The following SMTN variants were observed in gnomAD, a reference collection of about 807,000 sequenced individuals.
SMTN encodes smoothelin.
In SMTN, 58 loss-of-function variants were observed where a neutral mutation model predicts 102.0. The ratio of observed to expected loss-of-function variants is 0.57; its 90% confidence interval spans 0.46 to 0.71. SMTN has a LOEUF of 0.71. Among genes scored for constraint, SMTN ranks in the 30% least tolerant of loss-of-function variants. SMTN has a pLI of 0.00. For synonymous variants in SMTN, 478 were observed against 497.9 expected, an observed-to-expected ratio of 0.96 and a Z score of 0.53; for missense variants, 1,185 against 1,241.7, an observed-to-expected ratio of 0.95 and a Z score of 0.69.
intron 20 of SMTN, 38 bp from the exon 21 acceptor site, chr22:31,104,278 C>G (rs1462467975): frequency 6.2e-7 from 1 of 1,604,286 alleles, no homozygotes; most frequent in South Asian, 1.1e-5. Context: ...AGAGGCGGGT[C>G]TGGCGCTGAC....
At chr22:31,073,931 G>GTCCC (rs1462388914) in intron 1 of SMTN, among the ~76,000 whole-genome samples, 2 of 152,194 alleles carry the variant, frequency 1.3e-5, no homozygotes, top group Non-Finnish European at 2.9e-5. Flanking sequence ...AGGATAACTA[G>GTCCC]TCCCTGTTCC....
rs755480051 is a variant in SMTN at position 31,088,086 on chromosome 22, G to A, written c.173G>A (p.Arg58Gln). ...ALASKRFRAE[R>Q]QDNKENWLHS... is the part of the protein sequence containing the mutation. ...GCATCCAAGCGTTTCCGTGCCGAGCGGCAGGACAACAAGGAGAACTGGCTG... is the reference window on the plus strand; with the variant it reads ...GCATCCAAGCGTTTCCGTGCCGAGCAGCAGGACAACAAGGAGAACTGGCTG... Residue 58 changes from arginine to glutamine, a missense_variant, in exon 3 of 21, where the codon CGG becomes CAG. Arg to Gln is a conservative substitution (Grantham distance 43). Transcript: ENST00000333137. 7.7e-5 allele frequency: 124 copies of A among 1,607,258 alleles called. No homozygotes were observed. The highest frequency in any genetic ancestry group is 3.4e-4 in the East Asian group (15 of 44,722).
At chr22:31,093,080 C>A (rs1341054323) in intron 11 of SMTN, among the ~76,000 whole-genome samples, 3 of 152,230 alleles carry the variant, frequency 2.0e-5, no homozygotes, top group Non-Finnish European at 4.4e-5. Context: ...AGGTCCATTC[C>A]CTGTTCCCTG....
intron 20 of SMTN, chr22:31,101,551 C>T (rs1250778327): frequency 6.4e-6 from 1 of 156,386 alleles, no homozygotes; most frequent in African/African-American, 2.4e-5. Context: ...CTTTGGGAGG[C>T]CAAGGTGGGC....
rs1244310322 is a variant in SMTN, at chr22:31,082,988, C to G, written c.-80-191C>G. ...CTGGCAGGGCTGGAACCAGAGACCC[C>G]CTACCCTGGGTTTGGTGAGTTTTCC... On this transcript the variant is annotated intron_variant, in intron 1 of 20. Coordinates refer to ENST00000333137, the MANE Select transcript of SMTN (RefSeq NM_134269.3). 8 of 1,437,002 alleles carry G rather than the reference C, an allele frequency of 5.6e-6. 1 individual carries two copies. The African/African-American group carries it at 5.6e-5, about 10-fold the overall frequency. 89.0% of individuals were successfully genotyped at this position (1,437,002 alleles called of 1,614,324 possible). A position where few individuals can be genotyped will look rare whatever the true frequency, so the allele number is the denominator to read the frequency against.
At chr22:31,098,630 G>T in intron 16 of SMTN, 37 bp from the exon 17 acceptor site, 1 of 1,604,436 alleles carries the variant, frequency 6.2e-7, no homozygotes, top group Non-Finnish European at 8.5e-7. Flanking sequence ...GAGCAGCCCT[G>T]CTCTCCCTGC....
intron 3 of SMTN, 42 bp from the exon 4 acceptor site, chr22:31,088,471 C>A (rs759971471): frequency 9.0e-6 from 14 of 1,557,864 alleles, no homozygotes; most frequent in South Asian, 1.1e-5. Flanking sequence ...CCTCCACGAC[C>A]TGGCCATGGC....
At chr22:31,077,324 G>A (rs3986052), upstream of SMTN, among the ~76,000 whole-genome samples, 1 of 151,902 alleles carries the variant, frequency 6.6e-6, no homozygotes, top group East Asian at 1.9e-4. Context: ...AGGCTGCAGT[G>A]AGCCATGGTT....
intron 2 of SMTN, among the ~76,000 whole-genome samples, chr22:31,083,873 C>T (rs2147572354): frequency 6.6e-6 from 1 of 152,328 alleles, no homozygotes; most frequent in East Asian, 1.9e-4. Flanking sequence ...GACCAGAGTC[C>T]TGGGAAAGTC....
chr22:31,073,599 A>C (rs989053650), intron 1 of SMTN, among the ~76,000 whole-genome samples: 4 of 152,228 alleles, frequency 2.6e-5, no homozygotes, highest in Non-Finnish European at 5.9e-5. Flanking sequence ...GGAGAGCCCC[A>C]ACCTGTATCA....
chr22:31,095,802 G>A lies in SMTN; in HGVS notation c.1861+193G>A, dbSNP rs1035116634. ...CTCCTTCCCTAGCTCCTTCTCTCCC[G>A]CTGGTGACCCCAGTTATTCTCCCCA... On this transcript the variant is annotated intron_variant, in intron 13 of 20. Coordinates refer to ENST00000333137, the MANE Select transcript of SMTN (RefSeq NM_134269.3). The surrounding 1 kb of genome is among the most constrained non-coding windows in gnomAD (Gnocchi z 4.1). The A allele has an allele frequency of 1.0e-5, 6 of 599,908 alleles. No homozygotes were observed. Among genetic ancestry groups the A allele is most frequent in the South Asian group, 4.0e-5 (2 of 50,216 alleles). 37.2% of individuals were successfully genotyped at this position (599,908 alleles called of 1,614,324 possible).
At chr22:31,087,210 C>G (rs928900265) in intron 2 of SMTN, 1 of 152,226 alleles carries the variant, frequency 6.6e-6, no homozygotes, top group Non-Finnish European at 1.5e-5. Flanking sequence ...GGTGTTCTTT[C>G]CTGAACCTGG....
chr22:31,076,721 C>T (rs1306899247), upstream of SMTN, among the ~76,000 whole-genome samples: 2 of 152,196 alleles, frequency 1.3e-5, no homozygotes, highest in East Asian at 3.8e-4. Context: ...CTTGTCCTCT[C>T]TGGGACTCAG....
rs2147760582 is a variant in SMTN, at chr22:31,095,789, C to T, written c.1861+180C>T. 5 of 608,260 alleles carry T rather than the reference C, an allele frequency of 8.2e-6. No individual in the cohort carries two copies. Among genetic ancestry groups the T allele is most frequent in the South Asian group, 4.0e-5 (2 of 50,518 alleles). 37.7% of individuals were successfully genotyped at this position (608,260 alleles called of 1,614,324 possible). A position where few individuals can be genotyped will look rare whatever the true frequency, so the allele number is the denominator to read the frequency against. ...CTGGATCCAGCTGCTCCTTCCCTAG[C>T]TCCTTCTCTCCCGCTGGTGACCCCA... On this transcript the variant is annotated intron_variant, in intron 13 of 20. Transcript: ENST00000333137. This position sits in a 1 kb window ranked among gnomAD's most constrained non-coding sequence, Gnocchi z 4.1.
Position 31,091,858 on chromosome 22 carries a change from C to G in SMTN, c.1632+11C>G, listed in dbSNP as rs545665727. 6.4e-7 allele frequency: 1 copy of G among 1,559,450 alleles called. No homozygotes were observed. The highest frequency in any genetic ancestry group is 8.7e-7 in the Non-Finnish European group (1 of 1,147,648). On this transcript the variant is annotated intron_variant, in intron 11 of 20. Transcript: ENST00000333137. ...GGCTGCAGCATCAAGGTGAGCCCCT[C>G]CTCACCCCACCAGCCTCACCATCCG...
In SMTN at chr22:31,091,286, G is replaced by A. The variant is rs1265014709; in HGVS notation, c.1263G>A (p.Leu421=). ...PQEEGPRGRG[L]AARPLENRAG... is the part of the protein sequence containing the mutation. ...AGGAGGGCCCCAGGGGGCGGGGCTT[G>A]GCTGCTAGGCCCCTTGAAAACAGAG... The change falls in exon 10 of 21, where the codon TTG becomes TTA. Residue 421 remains leucine (L), a synonymous_variant. Transcript: ENST00000333137. 1.6e-5 allele frequency: 26 copies of A among 1,599,102 alleles called. No homozygotes were observed. The highest frequency in any genetic ancestry group is 2.2e-5 in the Non-Finnish European group (26 of 1,173,732).
intron 2 of SMTN, 126 bp downstream of exon 2, chr22:31,083,435 G>A: frequency 1.7e-6 from 2 of 1,199,296 alleles, no homozygotes; most frequent in Non-Finnish European, 2.3e-6. Flanking sequence ...GGGGACATGG[G>A]AACAGGGGTA....
rs145694826 is a variant in SMTN at position 31,074,564 on chromosome 22, C to T, written c.-385-5886C>T. ...CAGCACTTTGGGAGGCCAAGAAGGG[C>T]GGATCACCTGAGGTCAGGAGTTCAA... is the stretch of plus-strand genomic sequence containing the variant. On this transcript the variant is annotated intron_variant, in intron 1 of 3. Transcript: ENST00000422839. Among the ~76,000 whole-genome samples, 66 of 152,144 alleles carry T rather than the reference C, an allele frequency of 4.3e-4. 1 individual carries two copies. The East Asian group carries it at 0.011, about 25-fold the overall frequency.
At position 31,104,388 on chromosome 22, in the gene SMTN, G is replaced by C. The variant is rs974029893; in HGVS notation, c.*93G>C. The C allele has an allele frequency of 6.2e-7, 1 of 1,614,190 alleles. No homozygotes were observed. Among genetic ancestry groups the C allele is most frequent in the Non-Finnish European group, 8.5e-7 (1 of 1,180,028 alleles). On this transcript the variant is annotated 3_prime_UTR_variant, in exon 21 of 21. Coordinates refer to ENST00000333137, the MANE Select transcript of SMTN (RefSeq NM_134269.3). ...TCATGGGCAAGAAGCCTGACCCCAA[G>C]TGTGTCTTCACCTATGTGCAGTCGC...
Sources: allele counts gnomAD v4.1 joint callset (sites outside exome capture counted in the v4.1 genomes callset), GRCh38; gene constraint gnomAD v4.1.1; non-coding constraint Gnocchi (gnomAD v3.1); transcripts MANE v1.5; gene names NCBI Gene and HGNC (gene_info 2026-07-23, HGNC 2026-07-21).